Variants in UNC13C observed in about 807,000 individuals in gnomAD.
The protein encoded by UNC13C is protein unc-13 homolog C.
In UNC13C, 174 loss-of-function variants were observed where a neutral mutation model predicts 245.4. The observed-to-expected ratio is 0.71, with a 90% CI of 0.63 to 0.80. UNC13C has a LOEUF of 0.80. Ranked by LOEUF, UNC13C falls within the 30% of genes least tolerant of loss-of-function variation. The pLI, the probability that UNC13C is intolerant of heterozygous loss-of-function variation, is 0.00. For missense variants in UNC13C, 2,829 were observed against 2,602.9 expected, an observed-to-expected ratio of 1.09 and a Z score of -1.89; for synonymous variants, 992 against 895.1, an observed-to-expected ratio of 1.11 and a Z score of -1.93.
At chr15:54,317,415 A>G (rs899053737) in intron 13 of UNC13C, among the ~76,000 whole-genome samples, 5 of 151,910 alleles carry the variant, frequency 3.3e-5, no homozygotes, top group Admixed American at 1.3e-4. Context: ...CTGGCATTCA[A>G]AAACCACAGT....
Position 54,143,022 on chromosome 15 carries a change from C to G in UNC13C, c.2988C>G (p.Ser996Arg), listed in dbSNP as rs903206482. The G allele has an allele frequency of 6.2e-7, 1 of 1,611,572 alleles. No homozygotes were observed. The highest frequency in any genetic ancestry group is 1.3e-5 in the African/African-American group (1 of 74,872). Reference sequence around the variant, plus strand: ...CTTTTCCTGATTCTCTTTCAGATAGCAGTTCTGTGGATGAAAAGGTTTTAA... The same window carrying G: ...CTTTTCCTGATTCTCTTTCAGATAGGAGTTCTGTGGATGAAAAGGTTTTAA... ...ELEEKILAGDSSSVDEKARIV... is the reference protein window; with the variant it reads ...ELEEKILAGDRSSVDEKARIV... Residue 996 changes from serine (S) to arginine (R), a missense_variant, in exon 3 of 33, where the codon AGC becomes AGG. By Grantham distance (110) the Ser-to-Arg change is moderately radical (BLOSUM62 -1). Transcript: ENST00000260323.
chr15:53,946,185 A>G, the UNC13C span, among the ~76,000 whole-genome samples: 1 of 152,120 alleles, frequency 6.6e-6, no homozygotes, highest in African/African-American at 2.4e-5. Flanking sequence ...ACAAACACAG[A>G]TCATTTGACT....
chr15:54,094,596 C>T (rs1309239007), intron 2 of UNC13C, among the ~76,000 whole-genome samples: 1 of 152,142 alleles, frequency 6.6e-6, no homozygotes, highest in Non-Finnish European at 1.5e-5. Flanking sequence ...ATTTGTTCTT[C>T]CCACCATCTT....
Position 54,567,284 on chromosome 15 carries a change from G to A in UNC13C, c.5959-516G>A, listed in dbSNP as rs190579290. Among the ~76,000 whole-genome samples the A allele has an allele frequency of 6.6e-4, 100 of 152,214 alleles. 1 individual carries two copies. Among genetic ancestry groups the A allele is most frequent in the Middle Eastern group, 3.4e-3 (1 of 294 alleles). On this transcript the variant is annotated intron_variant, in intron 29 of 32. Transcript: ENST00000260323. Reference sequence around the variant, plus strand: ...GTGTTGGATTTCCAAGGACCACTCTGCTTCGTCAGGTTGGCCTATATCTGC... The same window carrying A: ...GTGTTGGATTTCCAAGGACCACTCTACTTCGTCAGGTTGGCCTATATCTGC...
chr15:54,548,489 C>G (rs1896592502), intron 27 of UNC13C, among the ~76,000 whole-genome samples: 1 of 152,022 alleles, frequency 6.6e-6, no homozygotes, highest in South Asian at 2.1e-4. Flanking sequence ...ACTGAGTTCC[C>G]TGCTAGCTGT....
At chr15:54,161,929 C>T (rs1014338434) in intron 4 of UNC13C, among the ~76,000 whole-genome samples, 6 of 149,622 alleles carry the variant, frequency 4.0e-5, no homozygotes, top group Admixed American at 2.7e-4. Flanking sequence ...GTCTGGGCTA[C>T]AGAGAGGGAC....
chr15:54,142,944 T>C lies in UNC13C; in HGVS notation c.2984-74T>C. On this transcript the variant is annotated intron_variant, in intron 2 of 32. Transcript: ENST00000260323. ...ATGTAACATATTAACACTCTGTTCA[T>C]GTATATGTTTAAACAATTTCTTGAA... 4 of 1,264,316 alleles carry C rather than the reference T, an allele frequency of 3.2e-6. No individual in the cohort carries two copies. In the East Asian group the frequency reaches 9.2e-5, roughly 29 times the overall value. The allele number at this position is 1,264,316 out of a possible 1,614,324, so 78.3% of individuals were successfully genotyped here. A position where few individuals can be genotyped will look rare whatever the true frequency, so the allele number is the denominator to read the frequency against.
At chr15:53,868,242 A>G in the UNC13C span, among the ~76,000 whole-genome samples, 2 of 152,148 alleles carry the variant, frequency 1.3e-5, no homozygotes, top group Non-Finnish European at 2.9e-5. Flanking sequence ...GGCTGTTGGG[A>G]GTGGAGGACA....
rs767197055 is a variant in UNC13C, at chr15:54,015,809, G to A, written c.2906G>A (p.Arg969His). Reference protein sequence around the residue: ...PVEITKPKRIRPSFKEAALRA... With the variant: ...PVEITKPKRIHPSFKEAALRA... The stretch of plus-strand genomic sequence containing the variant: ...GAGATCACAAAGCCAAAGAGAATTC[G>A]TCCTTCTTTCAAAGAAGCAGCTTTA... Residue 969 changes from arginine (R) to histidine (H), a missense_variant, in exon 2 of 33, where the codon CGT becomes CAT. Coordinates refer to ENST00000260323, the MANE Select transcript of UNC13C (RefSeq NM_001080534.3). 3.2e-5 allele frequency: 52 copies of A among 1,611,170 alleles called. No homozygotes were observed. Among genetic ancestry groups the A allele is most frequent in the Middle Eastern group, 1.6e-4 (1 of 6,080 alleles).
intron 4 of UNC13C, among the ~76,000 whole-genome samples, chr15:54,174,240 C>T (rs2033526958): frequency 1.3e-5 from 2 of 152,092 alleles, no homozygotes; most frequent in African/African-American, 4.8e-5. Flanking sequence ...GGTATTCTTT[C>T]TTCCTCTATT....
At chr15:54,334,009 A>G (rs551541005) in intron 16 of UNC13C, among the ~76,000 whole-genome samples, 153 bp downstream of exon 16, 1 of 152,086 alleles carries the variant, frequency 6.6e-6, no homozygotes, top group Admixed American at 6.6e-5. Context: ...GAATCTTCCA[A>G]TATAAGGTAT....
chr15:54,568,258 T>G (rs572619071), intron 30 of UNC13C, among the ~76,000 whole-genome samples: 1 of 152,280 alleles, frequency 6.6e-6, no homozygotes, highest in South Asian at 2.1e-4. Context: ...ATGACCAAGA[T>G]ATTTTCTTCA....
At position 53,990,511 on chromosome 15, in the gene UNC13C, A is replaced by G. The variant is rs577896767; in HGVS notation, c.-257+11584A>G. On this transcript the variant is annotated intron_variant, in intron 1 of 32. Coordinates refer to ENST00000260323, the MANE Select transcript of UNC13C (RefSeq NM_001080534.3). Reference sequence around the variant, plus strand: ...TTGGAGTTACACTGAAGTGCTGTATAATAAAATTTTAAAATCTTTTGTTTT... The same window carrying G: ...TTGGAGTTACACTGAAGTGCTGTATGATAAAATTTTAAAATCTTTTGTTTT... Among the ~76,000 whole-genome samples the G allele has an allele frequency of 2.6e-5, 4 of 152,178 alleles. No homozygotes were observed. The South Asian group carries it at 8.3e-4, about 32-fold the overall frequency.
chr15:53,895,943 C>A, the UNC13C span, among the ~76,000 whole-genome samples: 1 of 150,288 alleles, frequency 6.7e-6, no homozygotes, highest in Non-Finnish European at 1.5e-5. Flanking sequence ...GCCACTTAGT[C>A]CAGTATATTT....
intron 19 of UNC13C, among the ~76,000 whole-genome samples, chr15:54,484,142 C>T (rs1174070958): frequency 6.6e-6 from 1 of 151,634 alleles, no homozygotes; most frequent in Non-Finnish European, 1.5e-5. Context: ...CTCTTATATG[C>T]ATTCATACCT....
chr15:54,326,529 T>G (rs2038301569), intron 14 of UNC13C, among the ~76,000 whole-genome samples: 1 of 151,848 alleles, frequency 6.6e-6, no homozygotes, highest in African/African-American at 2.4e-5. Flanking sequence ...CATGGGAAGG[T>G]AAGGAAATTC....
chr15:54,073,125 T>C (rs762108251), intron 2 of UNC13C, among the ~76,000 whole-genome samples: 2 of 151,976 alleles, frequency 1.3e-5, no homozygotes, highest in Non-Finnish European at 2.9e-5. Context: ...AGTGAGAACA[T>C]GTGGTGTTTT....
intron 17 of UNC13C, among the ~76,000 whole-genome samples, chr15:54,363,247 T>C (rs1194298520): frequency 6.6e-6 from 1 of 152,196 alleles, no homozygotes; most frequent in Non-Finnish European, 1.5e-5. Context: ...TAGCTGGGAT[T>C]ATAGACACAT....
At chr15:53,910,865 A>T in the UNC13C span, 5 of 126,610 alleles carry the variant, frequency 3.9e-5, no homozygotes, top group African/African-American at 1.3e-4. Flanking sequence ...CCAGACCTCA[A>T]CATGACCTTT....
Sources: allele counts gnomAD v4.1 joint callset (sites outside exome capture counted in the v4.1 genomes callset), GRCh38; gene constraint gnomAD v4.1.1; transcripts MANE v1.5; gene names NCBI Gene and HGNC (gene_info 2026-07-23, HGNC 2026-07-21).